Variants in ARL5A observed in about 807,000 individuals in gnomAD.
ARL5A encodes ADP-ribosylation factor-like protein 5A.
In ARL5A, 18 loss-of-function variants were observed where a neutral mutation model predicts 25.9. That is an observed-to-expected ratio of 0.69 (90% CI 0.48 to 1.03). ARL5A has a LOEUF of 1.03. ARL5A is among the 50% of genes least tolerant of loss of function. The probability of loss-of-function intolerance (pLI) is 0.00; values close to 1 mark genes in which losing one functional copy is unlikely to be tolerated. For missense variants in ARL5A, 170 were observed against 211.9 expected (o/e 0.80, Z 1.23); for synonymous variants, 61 against 67.5 (o/e 0.90, Z 0.47).
At chr2:151,809,435 C>T (rs1038242610) in intron 4 of ARL5A, among the ~76,000 whole-genome samples, 2 of 152,104 alleles carry the variant, frequency 1.3e-5, no homozygotes, top group Non-Finnish European at 2.9e-5. Context: ...ATTTAGAGTT[C>T]TTGACTTCTA....
At chr2:151,820,860 T>C (rs559507311) in intron 1 of ARL5A, among the ~76,000 whole-genome samples, 29 of 152,138 alleles carry the variant, frequency 1.9e-4, no homozygotes, top group African/African-American at 6.7e-4. Flanking sequence ...GGTTAGGTTA[T>C]TGTTAGGGTA....
In ARL5A at chr2:151,828,245, G is replaced by A. The variant is rs2099833363; in HGVS notation, c.-69C>T. The A allele has an allele frequency of 1.4e-6, 2 of 1,434,740 alleles. No homozygotes were observed. The highest frequency in any genetic ancestry group is 1.4e-5 in the African/African-American group (1 of 69,346). The allele number at this position is 1,434,740 out of a possible 1,614,324, so 88.9% of individuals were successfully genotyped here. A position where few individuals can be genotyped will look rare whatever the true frequency, so the allele number is the denominator to read the frequency against. On this transcript the variant is annotated 5_prime_UTR_variant, in exon 1 of 6. Transcript: ENST00000295087. Reference sequence around the variant, plus strand: ...GGCTTCCCCCGGCTCAGGCTGAGGGGGAGGAGAGAGACGCGCTGGAGCCTC... The same window carrying A: ...GGCTTCCCCCGGCTCAGGCTGAGGGAGAGGAGAGAGACGCGCTGGAGCCTC...
At chr2:151,810,873 A>C (rs147242787) in intron 4 of ARL5A, among the ~76,000 whole-genome samples, 1 of 152,196 alleles carries the variant, frequency 6.6e-6, no homozygotes, top group African/African-American at 2.4e-5. Context: ...TCTTTTTCCA[A>C]AGTCTTCATA....
At chr2:151,808,815 A>G (rs1468412014) in intron 4 of ARL5A, among the ~76,000 whole-genome samples, 1 of 152,186 alleles carries the variant, frequency 6.6e-6, no homozygotes, top group Non-Finnish European at 1.5e-5. Context: ...TGGAAGGCCG[A>G]GGTGGGTGGA....
In ARL5A at chr2:151,814,180, TA is replaced by T; in HGVS notation, c.243del (p.Tyr81Ter). 1 of 1,596,386 alleles carries T rather than the reference TA, an allele frequency of 6.3e-7. No homozygotes were observed. Among genetic ancestry groups the T allele is most frequent in the Non-Finnish European group, 8.5e-7 (1 of 1,174,984 alleles). ...GTAAGAAACATTACCTCTGTGTTAG[TA>T]TAGTAAGTGTTCCAGGAAGAACGAA... Reference protein sequence around the residue: ...ESLRSSWNTYYTNTEFVIVVV... With the variant: ...ESLRSSWNTYXTNTEFVIVVV... On this transcript the variant is annotated frameshift_variant, in exon 3 of 6. Coordinates refer to ENST00000295087, the MANE Select transcript of ARL5A (RefSeq NM_012097.4). LOFTEE classifies it high-confidence loss of function.
rs565216281 is a variant in ARL5A at position 151,822,883 on chromosome 2, C to T, written c.46+5248G>A. On this transcript the variant is annotated intron_variant, in intron 1 of 5. Coordinates refer to ENST00000295087, the MANE Select transcript of ARL5A (RefSeq NM_012097.4). ...AAAATTGCTTCTTGTTTCCCTTTTCCTTCATTTCCTTTTGACACAGGCAGT... is the reference window on the plus strand; with the variant it reads ...AAAATTGCTTCTTGTTTCCCTTTTCTTTCATTTCCTTTTGACACAGGCAGT... Among the ~76,000 whole-genome samples the T allele has an allele frequency of 4.6e-5, 7 of 152,260 alleles. No homozygotes were observed. The East Asian group carries it at 1.2e-3, about 25-fold the overall frequency.
chr2:151,815,031 G>A, intron 2 of ARL5A, 108 bp downstream of exon 2: 1 of 824,968 alleles, frequency 1.2e-6, no homozygotes, highest in South Asian at 1.6e-5. Flanking sequence ...CTTTCTTACA[G>A]GGTAACTTAG....
chr2:151,820,387 C>T (rs1275518581), intron 1 of ARL5A, among the ~76,000 whole-genome samples: 1 of 151,794 alleles, frequency 6.6e-6, no homozygotes, highest in Non-Finnish European at 1.5e-5. Context: ...GGGCCAGGCA[C>T]AGTGGCTCAC....
At chr2:151,812,300 A>C in intron 4 of ARL5A, 57 bp downstream of exon 4, 1 of 1,251,782 alleles carries the variant, frequency 8.0e-7, no homozygotes, top group Non-Finnish European at 1.1e-6. Flanking sequence ...ACTAGAAAAC[A>C]AAGTATCGAT....
chr2:151,816,380 T>G (rs2151295154), intron 1 of ARL5A, among the ~76,000 whole-genome samples: 1 of 152,314 alleles, frequency 6.6e-6, no homozygotes, highest in Middle Eastern at 3.4e-3. Flanking sequence ...GCTATCTGAC[T>G]GCAACCAAAG....
chr2:151,810,020 T>C (rs926200893), intron 4 of ARL5A, among the ~76,000 whole-genome samples: 13 of 152,030 alleles, frequency 8.6e-5, no homozygotes, highest in Non-Finnish European at 8.8e-5. Context: ...AAGATGGAGG[T>C]TGCAGTGAGC....
intron 2 of ARL5A, 106 bp downstream of exon 2, chr2:151,815,033 G>A (rs1254860236): frequency 3.6e-6 from 3 of 835,926 alleles, no homozygotes; most frequent in Non-Finnish European, 5.8e-6. Flanking sequence ...TTCTTACAGG[G>A]TAACTTAGGT....
intron 5 of ARL5A, 51 bp downstream of exon 5, chr2:151,806,770 G>A (rs754051066): frequency 1.5e-5 from 23 of 1,549,020 alleles, no homozygotes; most frequent in Non-Finnish European, 1.9e-5. Context: ...AGATATACAT[G>A]TTACTAAGCA....
chr2:151,822,680 T>C (rs758181192), intron 1 of ARL5A, among the ~76,000 whole-genome samples: 1 of 152,260 alleles, frequency 6.6e-6, no homozygotes, highest in Non-Finnish European at 1.5e-5. Context: ...AACTCTTTGA[T>C]GCACAAGAAT....
intron 3 of ARL5A, among the ~76,000 whole-genome samples, chr2:151,813,151 C>T (rs779883011): frequency 6.6e-5 from 10 of 152,192 alleles, no homozygotes; most frequent in Non-Finnish European, 1.2e-4. Flanking sequence ...ATTTATGATG[C>T]CCAAGTTGGT....
chr2:151,803,918 A>G (rs1213146857), intron 5 of ARL5A, among the ~76,000 whole-genome samples: 1 of 152,222 alleles, frequency 6.6e-6, no homozygotes, highest in African/African-American at 2.4e-5. Flanking sequence ...AAAACTGTTC[A>G]TTAAAGTACT....
intron 2 of ARL5A, among the ~76,000 whole-genome samples, chr2:151,814,853 G>C (rs1383170841): frequency 6.6e-6 from 1 of 152,072 alleles, no homozygotes; most frequent in Non-Finnish European, 1.5e-5. Flanking sequence ...TTGGGATAAA[G>C]GCATGAGGCA....
At chr2:151,807,064 A>G (rs1361440762) in intron 4 of ARL5A, 92 bp from the exon 5 acceptor site, 3 of 1,219,926 alleles carry the variant, frequency 2.5e-6, no homozygotes, top group Non-Finnish European at 3.4e-6. Flanking sequence ...CTTAGTAAAC[A>G]AGAATTTCTC....
At position 151,802,648 on chromosome 2, in the gene ARL5A, G is replaced by A. The variant is rs1381958882; in HGVS notation, c.*628C>T. On this transcript the variant is annotated 3_prime_UTR_variant, in exon 6 of 6. Transcript: ENST00000295087. ...AAGCAGCTCAGCGATTTGGGAGGTT[G>A]GTTAGTACAATACAGAGAACACAGA... 6.6e-6 allele frequency: 1 copy of A among 151,424 alleles called. No individual in the cohort carries two copies. Among genetic ancestry groups the A allele is most frequent in the African/African-American group, 2.4e-5 (1 of 41,042 alleles). 9.4% of individuals were successfully genotyped at this position (151,424 alleles called of 1,614,324 possible).
Sources: allele counts gnomAD v4.1 joint callset (sites outside exome capture counted in the v4.1 genomes callset), GRCh38; gene constraint gnomAD v4.1.1; transcripts MANE v1.5; gene names NCBI Gene and HGNC (gene_info 2026-07-23, HGNC 2026-07-21).